The following RIN2 variants were observed in gnomAD, a reference collection of about 807,000 sequenced individuals.
RIN2 encodes the protein RAB5 interacting protein 2.
Under a neutral mutation model 78.0 loss-of-function variants are expected in RIN2, and 36 were observed. The ratio of observed to expected loss-of-function variants is 0.46; its 90% CI spans 0.35 to 0.61. RIN2 has a LOEUF of 0.61. Among genes scored for constraint, RIN2 ranks in the 20% least tolerant of loss-of-function variants. The pLI is 0.00. For missense variants in RIN2, 1,087 were observed against 1,159.7 expected, an observed-to-expected ratio of 0.94 and a Z score of 0.91; for synonymous variants, 466 against 466.8, an observed-to-expected ratio of 1.00 and a Z score of 0.02.
chr20:19,824,202 G>A (rs570364707), intron 2 of RIN2, among the ~76,000 whole-genome samples: 2 of 152,292 alleles, frequency 1.3e-5, no homozygotes, highest in African/African-American at 2.4e-5. Flanking sequence ...ACAAGCCTAC[G>A]GCAGAGAAGG....
At chr20:19,805,158 T>C (rs2035365959) in intron 2 of RIN2, among the ~76,000 whole-genome samples, 1 of 152,138 alleles carries the variant, frequency 6.6e-6, no homozygotes, top group Non-Finnish European at 1.5e-5. Context: ...ACAATGAGAC[T>C]TAGCTTTGGT....
intron 2 of RIN2, among the ~76,000 whole-genome samples, chr20:19,863,842 T>C (rs2037418051): frequency 6.6e-6 from 1 of 152,122 alleles, no homozygotes; most frequent in African/African-American, 2.4e-5. Flanking sequence ...AAGATGACCA[T>C]AGATGGGAGA....
At chr20:19,835,736 G>A (rs2036402523) in intron 2 of RIN2, among the ~76,000 whole-genome samples, 1 of 152,110 alleles carries the variant, frequency 6.6e-6, no homozygotes, top group African/African-American at 2.4e-5. Flanking sequence ...TTGAGTGGAT[G>A]CTCAGAATTA....
At chr20:19,992,322 G>T in intron 11 of RIN2, 23 bp downstream of exon 11, 1 of 1,540,328 alleles carries the variant, frequency 6.5e-7, no homozygotes, top group Non-Finnish European at 8.8e-7. Context: ...GAGAAAAGTT[G>T]AAGGAACTGG....
intron 9 of RIN2, among the ~76,000 whole-genome samples, chr20:19,985,555 G>A (rs184819436): frequency 3.4e-4 from 51 of 152,134 alleles, no homozygotes; most frequent in African/African-American, 1.1e-3. Context: ...TTTACTATTT[G>A]CTTGTTACTA....
chr20:19,905,834 T>C (rs183323344), intron 3 of RIN2, among the ~76,000 whole-genome samples: 1 of 152,366 alleles, frequency 6.6e-6, no homozygotes, highest in Admixed American at 6.5e-5. Flanking sequence ...CAGAGTTTGG[T>C]TGCTACAGGG....
intron 2 of RIN2, among the ~76,000 whole-genome samples, chr20:19,846,899 C>T (rs1255310052): frequency 6.6e-6 from 1 of 152,286 alleles, no homozygotes; most frequent in East Asian, 1.9e-4. Flanking sequence ...GCAGGGGCAC[C>T]AGTTACTCCA....
chr20:19,900,639 A>C (rs2038936105), intron 3 of RIN2, among the ~76,000 whole-genome samples: 1 of 145,054 alleles, frequency 6.9e-6, no homozygotes, highest in African/African-American at 2.7e-5. Flanking sequence ...ATTAAAAAAA[A>C]AGAAAAAACA....
chr20:19,777,228 C>T (rs1206970177), intron 1 of RIN2, among the ~76,000 whole-genome samples: 1 of 152,172 alleles, frequency 6.6e-6, no homozygotes, highest in East Asian at 1.9e-4. Context: ...GGTGGAACCC[C>T]TGGAAATCTC....
At chr20:19,955,689 G>T (rs2041503258) in intron 4 of RIN2, among the ~76,000 whole-genome samples, 1 of 152,158 alleles carries the variant, frequency 6.6e-6, no homozygotes, top group Admixed American at 6.5e-5. Context: ...GTTTCCGCTT[G>T]TTAGCTATTA....
Position 19,980,106 on chromosome 20 carries a change from A to G in RIN2, c.1762+4319A>G, listed in dbSNP as rs191405281. ...GTAGCCAGGGAGGCATGTTAGTGCC[A>G]AACAGAGATTAAAACCTTGAATCTT... On this transcript the variant is annotated intron_variant, in intron 9 of 12. Coordinates refer to ENST00000255006, the MANE Select transcript of RIN2 (RefSeq NM_018993.4). 3.9e-3 allele frequency among the ~76,000 whole-genome samples: 597 copies of G among 151,404 alleles called. 4 individuals carry two copies. The highest frequency in any genetic ancestry group is 7.8e-3 in the Admixed American group (118 of 15,206).
intron 3 of RIN2, chr20:19,934,603 T>A (rs1317101619): frequency 1.0e-6 from 1 of 983,956 alleles, no homozygotes; most frequent in Non-Finnish European, 1.2e-6. Flanking sequence ...ATCATTTTGA[T>A]GTCGTCAGAA....
chr20:19,999,486 G>T (rs2043076048), intron 12 of RIN2, among the ~76,000 whole-genome samples: 1 of 152,228 alleles, frequency 6.6e-6, no homozygotes. Flanking sequence ...CACCTGGGCA[G>T]AGAGCCCTCC....
At chr20:19,795,118 C>T (rs2035014326) in intron 1 of RIN2, among the ~76,000 whole-genome samples, 2 of 152,262 alleles carry the variant, frequency 1.3e-5, no homozygotes, top group South Asian at 4.1e-4. Context: ...TGACACTGGC[C>T]CAGGAAGGTC....
rs137859665 is a variant in RIN2 at position 19,848,912 on chromosome 20, A to C, written c.-36-40654A>C. ...AGGAAATTCAACAGTAGTAAGGATG[A>C]CTCTTTATTTAAACTAAAATCATTT... On this transcript the variant is annotated intron_variant, in intron 2 of 12. Coordinates refer to ENST00000255006, the MANE Select transcript of RIN2 (RefSeq NM_018993.4). Among the ~76,000 whole-genome samples the C allele has an allele frequency of 4.8e-3, 730 of 152,182 alleles. 3 individuals are homozygous for C. Among genetic ancestry groups the C allele is most frequent in the Non-Finnish European group, 8.9e-3 (603 of 68,010 alleles).
chr20:19,762,380 G>A (rs768308474), intron 1 of RIN2, among the ~76,000 whole-genome samples: 5 of 152,238 alleles, frequency 3.3e-5, no homozygotes, highest in South Asian at 2.1e-4. Flanking sequence ...AGGAGCCTTC[G>A]GAAAGTGATC....
intron 4 of RIN2, among the ~76,000 whole-genome samples, chr20:19,948,562 T>G (rs1291709590): frequency 6.6e-6 from 1 of 152,090 alleles, no homozygotes; most frequent in Admixed American, 6.5e-5. Flanking sequence ...ACCCAGTTAA[T>G]TTTTGTACTT....
intron 11 of RIN2, among the ~76,000 whole-genome samples, chr20:19,996,313 C>CAAAAACAAACAAACAA (rs534355352): frequency 2.0e-3 from 308 of 152,152 alleles, no homozygotes; most frequent in Non-Finnish European, 3.7e-3. Context: ...GACGCCGTCT[C>CAAAAACAAACAAACAA]AAAAACAAAC....
At chr20:19,840,774 A>G (rs1336550918) in intron 2 of RIN2, among the ~76,000 whole-genome samples, 1 of 152,228 alleles carries the variant, frequency 6.6e-6, no homozygotes, top group East Asian at 1.9e-4. Context: ...ATGTTCCACA[A>G]GCTCCTTTCA....
Sources: allele counts gnomAD v4.1 joint callset (sites outside exome capture counted in the v4.1 genomes callset), GRCh38; gene constraint gnomAD v4.1.1; transcripts MANE v1.5; gene names NCBI Gene and HGNC (gene_info 2026-07-23, HGNC 2026-07-21).